PLGRKT: variants seen among roughly 807,000 people sequenced by gnomAD.
The protein encoded by PLGRKT is plasminogen receptor with a C-terminal lysine, also known as plasminogen receptor (KT).
Under a neutral mutation model 18.5 loss-of-function variants are expected in PLGRKT, and 22 were observed. That is an observed-to-expected ratio of 1.19 (90% confidence interval 0.85 to 1.70). The LOEUF (loss-of-function observed/expected upper bound fraction) is 1.70, where lower values mean the gene tolerates loss of function less well. Among genes scored for constraint, PLGRKT ranks in the 40% most tolerant of loss-of-function variants. PLGRKT has a pLI of 0.00. For synonymous variants in PLGRKT, 72 were observed against 52.8 expected (o/e 1.36, Z -1.58); for missense variants, 235 against 174.4 (o/e 1.35, Z -1.96).
At chr9:5,387,588 A>G (rs1817868214) in intron 3 of PLGRKT, among the ~76,000 whole-genome samples, 1 of 151,904 alleles carries the variant, frequency 6.6e-6, no homozygotes, top group Non-Finnish European at 1.5e-5. Flanking sequence ...GAGCGTTAAA[A>G]TAGGCAAAAT....
chr9:5,406,350 G>A (rs1406420242), intron 3 of PLGRKT, among the ~76,000 whole-genome samples: 1 of 152,214 alleles, frequency 6.6e-6, no homozygotes, highest in South Asian at 2.1e-4. Context: ...CAAAGACATG[G>A]AATCAACCCA....
chr9:5,391,058 G>C (rs772955824), intron 3 of PLGRKT, among the ~76,000 whole-genome samples: 12 of 151,798 alleles, frequency 7.9e-5, no homozygotes, highest in Non-Finnish European at 1.6e-4. Context: ...AAGATACCTA[G>C]CACATCCCAA....
rs184305578 is a variant in PLGRKT, at chr9:5,358,392, C to G, written c.323-32G>C. ...TAAAGTACAGAAATACACAAGGTGA[C>G]AAAGGGGTCATCAGCAATTTGTGAC... On this transcript the variant is annotated intron_variant, in intron 5 of 5. Coordinates refer to ENST00000223864, the MANE Select transcript of PLGRKT (RefSeq NM_018465.4). The G allele has an allele frequency of 3.5e-5, 57 of 1,607,502 alleles. No homozygotes were observed. In the East Asian group the frequency reaches 1.2e-3, roughly 35 times the overall value.
At chr9:5,390,267 C>G (rs1253068878) in intron 3 of PLGRKT, among the ~76,000 whole-genome samples, 1 of 151,122 alleles carries the variant, frequency 6.6e-6, no homozygotes, top group African/African-American at 2.5e-5. Context: ...ATTTGCCTTT[C>G]TCCATGTAAA....
chr9:5,407,697 A>C (rs960576395), intron 3 of PLGRKT, among the ~76,000 whole-genome samples: 1 of 152,182 alleles, frequency 6.6e-6, no homozygotes, highest in African/African-American at 2.4e-5. Context: ...ATCCACACCT[A>C]AAGTGATAAC....
chr9:5,362,184 C>A (rs1203133750), intron 3 of PLGRKT, among the ~76,000 whole-genome samples: 1 of 152,194 alleles, frequency 6.6e-6, no homozygotes. Context: ...AAATGTCCAG[C>A]TTTTCCTATT....
chr9:5,421,765 G>A (rs1379292553), intron 3 of PLGRKT, among the ~76,000 whole-genome samples: 1 of 152,182 alleles, frequency 6.6e-6, no homozygotes, highest in Non-Finnish European at 1.5e-5. Flanking sequence ...TGTGGGAAAT[G>A]AGACACAGGC....
At chr9:5,413,221 C>T (rs1328339593) in intron 3 of PLGRKT, among the ~76,000 whole-genome samples, 1 of 152,128 alleles carries the variant, frequency 6.6e-6, no homozygotes, top group Non-Finnish European at 1.5e-5. Context: ...CCTGAAGATA[C>T]ACCTCTAACA....
intron 3 of PLGRKT, among the ~76,000 whole-genome samples, chr9:5,387,652 C>T (rs1418969552): frequency 5.0e-5 from 7 of 138,734 alleles, no homozygotes; most frequent in African/African-American, 1.9e-4. Flanking sequence ...CTGAGAGAGG[C>T]GGGAGGAAGC....
intron 3 of PLGRKT, among the ~76,000 whole-genome samples, chr9:5,364,177 G>A (rs1017257908): frequency 6.6e-6 from 1 of 152,158 alleles, no homozygotes; most frequent in Non-Finnish European, 1.5e-5. Flanking sequence ...AACCAAGTGG[G>A]ATCAATTAAG....
Position 5,411,380 on chromosome 9 carries a change from G to C in PLGRKT, c.81+20517C>G, listed in dbSNP as rs913585842. Among the ~76,000 whole-genome samples, 142 of 121,420 alleles carry C rather than the reference G, an allele frequency of 1.2e-3. 1 individual carries two copies. The highest frequency in any genetic ancestry group is 3.7e-3 in the South Asian group (13 of 3,500). The allele number at this position is 121,420 out of a possible 152,430, so 79.7% of individuals were successfully genotyped here. A position where few individuals can be genotyped will look rare whatever the true frequency, so the allele number is the denominator to read the frequency against. On this transcript the variant is annotated intron_variant, in intron 3 of 5. Transcript: ENST00000223864. ...AGCCTGGGAGACAGAGCAAGACCCT[G>C]TTTCAAAAAAAAAAAAAAAGAAAAG...
At chr9:5,422,154 A>C (rs1818589364) in intron 3 of PLGRKT, among the ~76,000 whole-genome samples, 1 of 152,224 alleles carries the variant, frequency 6.6e-6, no homozygotes, top group Admixed American at 6.5e-5. Flanking sequence ...TCAAGCCCTA[A>C]TGAAGTCACA....
At chr9:5,430,370 G>C (rs1006837745) in intron 3 of PLGRKT, among the ~76,000 whole-genome samples, 1 of 152,144 alleles carries the variant, frequency 6.6e-6, no homozygotes, top group African/African-American at 2.4e-5. Flanking sequence ...CCTAATACTT[G>C]GTCTCGCCTA....
In PLGRKT at chr9:5,366,871, C is replaced by T. The variant is rs11794698; in HGVS notation, c.82-4983G>A. Among the ~76,000 whole-genome samples, 1,406 of 152,162 alleles carry T rather than the reference C, an allele frequency of 9.2e-3. 8 individuals carry two copies. The highest frequency in any genetic ancestry group is 0.016 in the South Asian group (76 of 4,830). On this transcript the variant is annotated intron_variant, in intron 3 of 5. Coordinates refer to ENST00000223864, the MANE Select transcript of PLGRKT (RefSeq NM_018465.4). Reference sequence around the variant, plus strand: ...TAAAGATGCTGCCAAGAGGCTCCTACCCCTAATAAATAGACCTAATAAACA... The same window carrying T: ...TAAAGATGCTGCCAAGAGGCTCCTATCCCTAATAAATAGACCTAATAAACA...
chr9:5,421,693 C>A (rs1818578271), intron 3 of PLGRKT, among the ~76,000 whole-genome samples: 1 of 152,192 alleles, frequency 6.6e-6, no homozygotes, highest in Non-Finnish European at 1.5e-5. Context: ...GGACATCTCA[C>A]TTAATCCTCA....
chr9:5,386,135 C>T (rs1439435327), intron 3 of PLGRKT, among the ~76,000 whole-genome samples: 4 of 151,778 alleles, frequency 2.6e-5, no homozygotes, highest in Non-Finnish European at 5.9e-5. Context: ...AGTAAGAAGT[C>T]CTTTTTCTCT....
At chr9:5,424,668 T>TTATATATATATATATGTATA (rs1554634175) in intron 3 of PLGRKT, among the ~76,000 whole-genome samples, 34 of 113,168 alleles carry the variant, frequency 3.0e-4, no homozygotes, top group African/African-American at 1.4e-3. Flanking sequence ...ATTATATATT[T>TTATATATATATATATGTATA]TATATATATA....
chr9:5,387,278 T>C (rs1817862137), intron 3 of PLGRKT, among the ~76,000 whole-genome samples: 1 of 151,860 alleles, frequency 6.6e-6, no homozygotes, highest in South Asian at 2.1e-4. Context: ...GGAAATGTAA[T>C]TTGACATTTC....
At chr9:5,409,134 C>T (rs867943070) in intron 3 of PLGRKT, among the ~76,000 whole-genome samples, 2 of 152,188 alleles carry the variant, frequency 1.3e-5, no homozygotes, top group East Asian at 1.9e-4. Context: ...GAAGCCCCCA[C>T]AAAGATTCCA....
Sources: allele counts gnomAD v4.1 joint callset (sites outside exome capture counted in the v4.1 genomes callset), GRCh38; gene constraint gnomAD v4.1.1; transcripts MANE v1.5; gene names NCBI Gene and HGNC (gene_info 2026-07-23, HGNC 2026-07-21).